CUL9: variants seen among roughly 807,000 people sequenced by gnomAD.
The protein encoded by CUL9 is cullin 9, also known as cullin-9.
CUL9 carries 79 observed loss-of-function variants against 272.6 expected under a neutral mutation model. The observed-to-expected ratio is 0.29, with a 90% CI of 0.24 to 0.35. The LOEUF is 0.35. Ranked by LOEUF, CUL9 falls within the 10% of genes least tolerant of loss-of-function variation. CUL9 has a pLI of 1.00. For synonymous variants in CUL9, 1,186 were observed against 1,286.5 expected, an observed-to-expected ratio of 0.92 and a Z score of 1.67; for missense variants, 2,532 against 3,255.6, an observed-to-expected ratio of 0.78 and a Z score of 5.41.
Position 43,221,490 on chromosome 6 carries a change from TC to T in CUL9, c.6752+172del. The T allele has an allele frequency of 1.1e-6, 1 of 923,600 alleles. No homozygotes were observed. The allele number at this position is 923,600 out of a possible 1,614,324, so 57.2% of individuals were successfully genotyped here. Reference sequence around the variant, plus strand: ...ACTTCCTGGATCTTAATGTTCCTTCTCCCACTCGTAAGTCCACACTGACTGG... The same window carrying T: ...ACTTCCTGGATCTTAATGTTCCTTCTCCACTCGTAAGTCCACACTGACTGG... On this transcript the variant is annotated intron_variant, in intron 34 of 40. Transcript: ENST00000252050. This position sits in a 1 kb window ranked among gnomAD's most constrained non-coding sequence, Gnocchi z 4.2.
intron 9 of CUL9, among the ~76,000 whole-genome samples, chr6:43,194,341 C>T (rs1028112399): frequency 7.3e-5 from 11 of 150,394 alleles, no homozygotes; most frequent in South Asian, 6.3e-4. Flanking sequence ...TTTTCTTTGA[C>T]GGAGTCTTGC....
At chr6:43,196,303 A>G in intron 10 of CUL9, 38 bp downstream of exon 10, 2 of 1,577,346 alleles carry the variant, frequency 1.3e-6, no homozygotes, top group African/African-American at 2.7e-5. Flanking sequence ...GCTCCTGCTT[A>G]GTCCCAAACC....
In CUL9 at chr6:43,193,188, G is replaced by C; in HGVS notation, c.2368G>C (p.Val790Leu). The change falls in exon 9 of 41, where the codon GTG (valine) becomes CTG (leucine). Residue 790 changes from valine (V) to leucine (L), a missense_variant. Val to Leu is a conservative substitution (Grantham distance 32, BLOSUM62 1). Around this residue, in one of 3 missense-constraint regions of CUL9, gnomAD observed 2,218 missense variants for 2,788.6 expected, o/e 0.80. Transcript: ENST00000252050. ...CMQEYKTSVLVQQAGLAALKM... is the reference protein window; with the variant it reads ...CMQEYKTSVLLQQAGLAALKM... The stretch of plus-strand genomic sequence containing the variant: ...GCAAGAATATAAGACTTCTGTCTTG[G>C]TGCAGCAGGCTGGGCTGGCGGTGAG... 1 of 1,614,108 alleles carries C rather than the reference G, an allele frequency of 6.2e-7. No homozygotes were observed. Among genetic ancestry groups the C allele is most frequent in the Non-Finnish European group, 8.5e-7 (1 of 1,179,994 alleles).
rs372941474 is a variant in CUL9, at chr6:43,199,908, T to C, written c.3157-21T>C. 3.2e-6 allele frequency: 5 copies of C among 1,584,140 alleles called. No homozygotes were observed. In the African/African-American group the frequency reaches 6.7e-5, roughly 21 times the overall value. On this transcript the variant is annotated intron_variant, in intron 13 of 40. Transcript: ENST00000252050. The surrounding 1 kb of genome is among the most constrained non-coding windows in gnomAD (Gnocchi z 4.4). ...CTACCTCTTGTTTCCTGTAAATTAATCTATGTGGCTCTGGGCTCAGATTGT... is the reference window on the plus strand; with the variant it reads ...CTACCTCTTGTTTCCTGTAAATTAACCTATGTGGCTCTGGGCTCAGATTGT...
Position 43,202,784 on chromosome 6 carries a change from G to A in CUL9, c.3716G>A (p.Gly1239Asp), listed in dbSNP as rs200509434. Reference protein sequence around the residue: ...YMPARVVVFGGDSTSCIGTEL... With the variant: ...YMPARVVVFGDDSTSCIGTEL... Reference sequence around the variant, plus strand: ...CCAGCCAGGGTGGTGGTGTTTGGGGGTGACAGCACCAGCTGCATCGGCACT... The same window carrying A: ...CCAGCCAGGGTGGTGGTGTTTGGGGATGACAGCACCAGCTGCATCGGCACT... Residue 1239 changes from glycine to aspartate, a missense_variant, in exon 17 of 41, where the codon GGT becomes GAT. Physicochemically the swap from Gly to Asp is moderately conservative, Grantham distance 94 (BLOSUM62 -1). Transcript: ENST00000252050. 5 of 1,614,150 alleles carry A rather than the reference G, an allele frequency of 3.1e-6. No homozygotes were observed. The highest frequency in any genetic ancestry group is 4.2e-6 in the Non-Finnish European group (5 of 1,180,004).
intron 37 of CUL9, 54 bp downstream of exon 37, chr6:43,222,695 G>C (rs1004717033): frequency 3.7e-6 from 6 of 1,605,814 alleles, no homozygotes; most frequent in Non-Finnish European, 5.1e-6. Flanking sequence ...ATGGGTCTGG[G>C]GGGCTTGGCT....
intron 21 of CUL9, 87 bp downstream of exon 21, chr6:43,204,626 T>C: frequency 6.3e-7 from 1 of 1,587,946 alleles, no homozygotes; most frequent in Admixed American, 1.7e-5. Context: ...TCTTGCTGCT[T>C]TGCTACCGGC....
In CUL9 at chr6:43,213,873, T is replaced by C; in HGVS notation, c.5649T>C (p.His1883=). ...TTCTTGTTCGTATTCTCAAAGCCCA[T>C]GGGGAAAAGGGCCTCCACATTGATC... is the stretch of plus-strand genomic sequence containing the variant. The part of the protein sequence containing the change: ...SCLLVRILKA[H]GEKGLHIDQL... Residue 1883 remains histidine (H), a synonymous_variant, in exon 29 of 41, where the codon CAT becomes CAC. Transcript: ENST00000252050. The surrounding 1 kb of genome is among the most constrained non-coding windows in gnomAD (Gnocchi z 5.7). The C allele has an allele frequency of 1.9e-6, 3 of 1,613,948 alleles. No homozygotes were observed. Among genetic ancestry groups the C allele is most frequent in the East Asian group, 2.2e-5 (1 of 44,876 alleles).
In CUL9 at chr6:43,186,023, G is replaced by A; in HGVS notation, c.819G>A (p.Leu273=). 6.2e-7 allele frequency: 1 copy of A among 1,614,226 alleles called. No homozygotes were observed. Among genetic ancestry groups the A allele is most frequent in the Non-Finnish European group, 8.5e-7 (1 of 1,180,034 alleles). The stretch of plus-strand genomic sequence containing the variant: ...GTGTCACGTCCCTCCTGGATCAGCT[G>A]AATAGCAGTCCAGAGCTGGGAGCTG... ...YLCVTSLLDQ[L]NSSPELGAGD... is the part of the protein sequence containing the mutation. The change falls in exon 4 of 41, where the codon CTG becomes CTA. Residue 273 remains leucine (L), a synonymous_variant. Transcript: ENST00000252050.
chr6:43,202,676 C>T, intron 16 of CUL9, 40 bp from the exon 17 acceptor site: 1 of 1,577,418 alleles, frequency 6.3e-7, no homozygotes, highest in Non-Finnish European at 8.7e-7. Flanking sequence ...CCACCACGTC[C>T]AGAGGCCCAG....
In CUL9 at chr6:43,220,415, CT is replaced by C; in HGVS notation, c.6283-43del. 6.2e-7 allele frequency: 1 copy of C among 1,610,278 alleles called. No individual in the cohort carries two copies. Among genetic ancestry groups the C allele is most frequent in the Non-Finnish European group, 8.5e-7 (1 of 1,177,592 alleles). ...TTACCAGGACACTCCCCCTGTGCTG[CT>C]CCCACACTGTCTGTGAGCAGCCCCT... On this transcript the variant is annotated intron_variant, in intron 31 of 40. Coordinates refer to ENST00000252050, the MANE Select transcript of CUL9 (RefSeq NM_015089.4). The surrounding 1 kb of genome is among the most constrained non-coding windows in gnomAD (Gnocchi z 4.9).
rs1419282740 is a variant in CUL9, at chr6:43,185,660, T to C, written c.750+50T>C. Reference sequence around the variant, plus strand: ...GCTGTGTACAAGGGCTAAGACATTATTTATGAAAACGTGGTTCAGGACTGA... The same window carrying C: ...GCTGTGTACAAGGGCTAAGACATTACTTATGAAAACGTGGTTCAGGACTGA... On this transcript the variant is annotated intron_variant, in intron 3 of 40. Transcript: ENST00000252050. The C allele has an allele frequency of 1.9e-6, 3 of 1,570,434 alleles. No homozygotes were observed. The South Asian group carries it at 3.4e-5, about 18-fold the overall frequency.
intron 11 of CUL9, among the ~76,000 whole-genome samples, chr6:43,197,718 G>A (rs1442529238): frequency 6.6e-6 from 1 of 152,062 alleles, no homozygotes; most frequent in Non-Finnish European, 1.5e-5. Flanking sequence ...TCCTGACCTC[G>A]TGATCTGACC....
Position 43,216,466 on chromosome 6 carries a change from A to G in CUL9, c.6245A>G (p.Asp2082Gly), listed in dbSNP as rs766979342. The change falls in exon 31 of 41, where the codon GAC becomes GGC. Residue 2082 changes from aspartate to glycine, a missense_variant. Physicochemically the swap from Asp to Gly is moderately conservative, Grantham distance 94. Around this residue, in one of 3 missense-constraint regions of CUL9, gnomAD observed 2,218 missense variants for 2,788.6 expected, o/e 0.80. Coordinates refer to ENST00000252050, the MANE Select transcript of CUL9 (RefSeq NM_015089.4). Reference protein sequence around the residue: ...VCVSPLGCDDDLPSLCCMHYC... With the variant: ...VCVSPLGCDDGLPSLCCMHYC... ...GTGAGCCCCCTGGGGTGTGACGACGACCTGCCCTCTCTCTGCTGCATGCAC... is the reference window on the plus strand; with the variant it reads ...GTGAGCCCCCTGGGGTGTGACGACGGCCTGCCCTCTCTCTGCTGCATGCAC... 6.2e-7 allele frequency: 1 copy of G among 1,603,270 alleles called. No individual in the cohort carries two copies.
At chr6:43,209,654 T>C (rs1397995551) in intron 26 of CUL9, among the ~76,000 whole-genome samples, 1 of 152,000 alleles carries the variant, frequency 6.6e-6, no homozygotes, top group Non-Finnish European at 1.5e-5. Flanking sequence ...TTTCTTTCTT[T>C]CTTTTTTTTG....
chr6:43,183,444 C>T (rs567495637), intron 1 of CUL9, among the ~76,000 whole-genome samples: 68 of 152,296 alleles, frequency 4.5e-4, no homozygotes, highest in African/African-American at 1.6e-3. Context: ...CCCTTTACAT[C>T]CACCTTGCAG....
intron 8 of CUL9, among the ~76,000 whole-genome samples, chr6:43,191,149 A>T (rs2150535405): frequency 6.6e-6 from 1 of 150,958 alleles, no homozygotes; most frequent in South Asian, 2.1e-4. Context: ...GTTTTTTTTA[A>T]ATTTATTTAA....
chr6:43,191,918 T>A (rs1284904037), intron 8 of CUL9, among the ~76,000 whole-genome samples: 1 of 151,914 alleles, frequency 6.6e-6, no homozygotes, highest in African/African-American at 2.4e-5. Context: ...TCCTTTTTTT[T>A]TTTTTGCTGG....
chr6:43,195,399 T>C (rs1198991597), intron 9 of CUL9, among the ~76,000 whole-genome samples: 2 of 152,218 alleles, frequency 1.3e-5, no homozygotes, highest in Non-Finnish European at 2.9e-5. Flanking sequence ...CCACTGCCTG[T>C]GAGACAACCA....
Sources: gnomAD v4.1 joint callset for allele counts (sites outside exome capture counted in the v4.1 genomes callset) on GRCh38, gnomAD v4.1.1 for gene constraint, gnomAD v4.1.1 regional missense constraint, Gnocchi (gnomAD v3.1) non-coding constraint, MANE v1.5 for transcripts, NCBI Gene and HGNC (gene_info 2026-07-23, HGNC 2026-07-21) for gene names.